ARHGAP28: variants seen among roughly 807,000 people sequenced by gnomAD.
The protein encoded by ARHGAP28 is Rho GTPase activating protein 28.
ARHGAP28 carries 56 observed loss-of-function variants against 90.7 expected under a neutral mutation model. The observed-to-expected ratio is 0.62, with a 90% CI of 0.50 to 0.77. The LOEUF (loss-of-function observed/expected upper bound fraction) is 0.77. ARHGAP28 is among the 30% of genes least tolerant of loss of function. The probability of loss-of-function intolerance (pLI) is 0.00; values close to 1 mark genes in which losing one functional copy is unlikely to be tolerated. For synonymous variants in ARHGAP28, 308 were observed against 323.3 expected (o/e 0.95, Z 0.51); for missense variants, 869 against 900.9 (o/e 0.96, Z 0.45).
At chr18:6,731,309 T>TGA (rs952691007) in intron 1 of ARHGAP28, among the ~76,000 whole-genome samples, 2 of 151,984 alleles carry the variant, frequency 1.3e-5, no homozygotes, top group African/African-American at 4.8e-5. Flanking sequence ...TGTGTGTGTG[T>TGA]GTGTTTTGAT....
chr18:6,879,914 G>C (rs1055580340), intron 10 of ARHGAP28, among the ~76,000 whole-genome samples: 93 of 152,326 alleles, frequency 6.1e-4, no homozygotes, highest in African/African-American at 2.2e-3. Context: ...TAAAGGATCT[G>C]GTTGTAGCAC....
At chr18:6,909,306 T>TTTCTTTTC (rs1293512768) in intron 17 of ARHGAP28, among the ~76,000 whole-genome samples, 3 of 147,276 alleles carry the variant, frequency 2.0e-5, no homozygotes, top group African/African-American at 5.0e-5. Flanking sequence ...TTTTCTTTTT[T>TTTCTTTTC]TTTTGAGACA....
chr18:6,887,055 AGCT>A (rs1213420740), intron 11 of ARHGAP28, 99 bp from the exon 12 acceptor site: 3 of 1,011,924 alleles, frequency 3.0e-6, no homozygotes, highest in Non-Finnish European at 4.6e-6. Context: ...TACCACCAAA[AGCT>A]GTCAGGAGCC....
chr18:6,786,848 A>G (rs934447882), intron 1 of ARHGAP28, among the ~76,000 whole-genome samples: 2 of 152,080 alleles, frequency 1.3e-5, no homozygotes, highest in Admixed American at 1.3e-4. Flanking sequence ...GCTTCTTACC[A>G]GCAAAGTTTT....
intron 1 of ARHGAP28, among the ~76,000 whole-genome samples, chr18:6,738,729 G>T (rs1236701120): frequency 6.6e-6 from 1 of 152,070 alleles, no homozygotes; most frequent in African/African-American, 2.4e-5. Flanking sequence ...TCAGTGGTTG[G>T]GAGTAAATCT....
intron 1 of ARHGAP28, among the ~76,000 whole-genome samples, chr18:6,785,227 T>A (rs1395914925): frequency 5.9e-5 from 9 of 152,328 alleles, no homozygotes; most frequent in Non-Finnish European, 1.2e-4. Context: ...TAACACAGAT[T>A]CCAGATTACC....
At chr18:6,777,365 G>A (rs1429850723) in intron 1 of ARHGAP28, among the ~76,000 whole-genome samples, 1 of 152,128 alleles carries the variant, frequency 6.6e-6, no homozygotes, top group East Asian at 1.9e-4. Flanking sequence ...GGTTTCAAGT[G>A]AAGGAGAACA....
intron 2 of ARHGAP28, among the ~76,000 whole-genome samples, chr18:6,834,115 C>T (rs1034081197): frequency 1.3e-5 from 2 of 151,660 alleles, no homozygotes; most frequent in African/African-American, 4.8e-5. Context: ...ATAAGGAATA[C>T]AGCCTCTCTA....
intron 2 of ARHGAP28, among the ~76,000 whole-genome samples, chr18:6,827,806 C>T (rs1366694576): frequency 6.6e-6 from 1 of 151,742 alleles, no homozygotes; most frequent in Admixed American, 6.6e-5. Context: ...CGGGCAGAGA[C>T]GCTCCTCACT....
chr18:6,780,617 G>A lies in ARHGAP28; in HGVS notation c.123-44145G>A, dbSNP rs540570455. 2.4e-4 allele frequency among the ~76,000 whole-genome samples: 37 copies of A among 152,178 alleles called. No individual in the cohort carries two copies. In the East Asian group the frequency reaches 6.0e-3, roughly 25 times the overall value. Reference sequence around the variant, plus strand: ...AAAATCAGTCTCTTAGGCCAGGTGCGGTGGCTCATGCCTGTAATCCCAGCA... The same window carrying A: ...AAAATCAGTCTCTTAGGCCAGGTGCAGTGGCTCATGCCTGTAATCCCAGCA... On this transcript the variant is annotated intron_variant, in intron 1 of 17. Coordinates refer to ENST00000383472, the MANE Select transcript of ARHGAP28 (RefSeq NM_001366230.1).
chr18:6,734,437 C>A (rs2055909075), intron 1 of ARHGAP28, among the ~76,000 whole-genome samples: 1 of 151,952 alleles, frequency 6.6e-6, no homozygotes, highest in Non-Finnish European at 1.5e-5. Context: ...GGGAAACAGC[C>A]AACTCTTCCT....
rs9955579 is a variant in ARHGAP28, at chr18:6,823,012, G to A, written c.123-1750G>A. ...AGTCGTCATAAAACCCACAGTGGAC[G>A]TTATTGTGCCATTGGTCTAGTTACC... On this transcript the variant is annotated intron_variant, in intron 1 of 17. Transcript: ENST00000383472. Among the ~76,000 whole-genome samples, 1,215 of 152,292 alleles carry A rather than the reference G, an allele frequency of 8.0e-3. 17 individuals carry two copies. Among genetic ancestry groups the A allele is most frequent in the African/African-American group, 0.027 (1,120 of 41,554 alleles).
chr18:6,782,584 A>AT (rs1567945676), intron 1 of ARHGAP28, among the ~76,000 whole-genome samples: 25 of 71,276 alleles, frequency 3.5e-4, no homozygotes, highest in African/African-American at 9.7e-4. Context: ...CGCCCAGCTA[A>AT]TTTTTGTATT....
intron 16 of ARHGAP28, among the ~76,000 whole-genome samples, chr18:6,901,971 A>G (rs2057340901): frequency 6.6e-6 from 1 of 152,156 alleles, no homozygotes. Flanking sequence ...GAGACACATC[A>G]TTTCAATCTC....
intron 1 of ARHGAP28, among the ~76,000 whole-genome samples, chr18:6,785,370 C>A (rs1269101965): frequency 6.6e-6 from 1 of 152,362 alleles, no homozygotes; most frequent in South Asian, 2.1e-4. Context: ...AAATTTAACT[C>A]TTTCCTCACT....
At chr18:6,872,794 A>G (rs2057100313) in intron 7 of ARHGAP28, among the ~76,000 whole-genome samples, 1 of 152,148 alleles carries the variant, frequency 6.6e-6, no homozygotes, top group African/African-American at 2.4e-5. Flanking sequence ...CTTCAAAATC[A>G]TAGTAGGATT....
intron 16 of ARHGAP28, among the ~76,000 whole-genome samples, chr18:6,899,988 CT>C (rs2057329879): frequency 6.6e-6 from 1 of 152,106 alleles, no homozygotes; most frequent in Non-Finnish European, 1.5e-5. Context: ...AGGAGCTGAG[CT>C]TCACCTGCAG....
At position 6,752,031 on chromosome 18, in the gene ARHGAP28, G is replaced by A. The variant is rs60524031; in HGVS notation, c.122+22088G>A. Among the ~76,000 whole-genome samples, 1,155 of 152,158 alleles carry A rather than the reference G, an allele frequency of 7.6e-3. 49 individuals carry two copies. The East Asian group carries it at 0.11, about 15-fold the overall frequency. ...AAATAATGTTTAATTAGAAAGTAAA[G>A]GAAGCTACACTTGTAGAACAGAGTA... On this transcript the variant is annotated intron_variant, in intron 1 of 17. Transcript: ENST00000383472.
chr18:6,837,449 C>G, intron 3 of ARHGAP28, 35 bp downstream of exon 3: 1 of 1,044,452 alleles, frequency 9.6e-7, no homozygotes, highest in Non-Finnish European at 1.5e-6. Context: ...CAAAAGGCGC[C>G]TAGTTTGACT....
Sources: gnomAD v4.1 joint callset for allele counts (sites outside exome capture counted in the v4.1 genomes callset) on GRCh38, gnomAD v4.1.1 for gene constraint, MANE v1.5 for transcripts, NCBI Gene and HGNC (gene_info 2026-07-23, HGNC 2026-07-21) for gene names.